Variants in USE1 observed in about 807,000 individuals in gnomAD.
USE1 encodes the protein unconventional SNARE in the ER 1, also known as vesicle transport protein USE1.
USE1 carries 32 observed loss-of-function variants against 37.6 expected under a neutral mutation model. The observed-to-expected ratio is 0.85, with a 90% confidence interval of 0.64 to 1.14. USE1 has a LOEUF of 1.14. Among genes scored for constraint, USE1 ranks in the 50% most tolerant of loss-of-function variants. The pLI is 0.00. For synonymous variants in USE1, 149 were observed against 137.6 expected, an observed-to-expected ratio of 1.08 and a Z score of -0.58; for missense variants, 310 against 332.2, an observed-to-expected ratio of 0.93 and a Z score of 0.52.
chr19:17,217,627 G>C, intron 5 of USE1, 165 bp downstream of exon 5: 1 of 1,062,462 alleles, frequency 9.4e-7, no homozygotes, highest in South Asian at 1.3e-5. Context: ...AAATGGCCCC[G>C]AGAGGAAACA....
chr19:17,219,396 A>G lies in USE1; in HGVS notation c.597+9A>G. 1.9e-6 allele frequency: 3 copies of G among 1,550,040 alleles called. No homozygotes were observed. The highest frequency in any genetic ancestry group is 2.6e-6 in the Non-Finnish European group (3 of 1,145,458). ...TCAAGAAGGACAACCAGGTGTGGGGACTGGGGGAGCTCTCCAGCCTCTGCC... is the reference window on the plus strand; with the variant it reads ...TCAAGAAGGACAACCAGGTGTGGGGGCTGGGGGAGCTCTCCAGCCTCTGCC... On this transcript the variant is annotated intron_variant, in intron 7 of 7. Transcript: ENST00000263897.
chr19:17,218,314 A>C, intron 5 of USE1, 50 bp from the exon 6 acceptor site: 15 of 1,612,650 alleles, frequency 9.3e-6, no homozygotes, highest in Non-Finnish European at 1.2e-5. Context: ...AGGATGCCGG[A>C]AACGGGAAAC....
Position 17,219,735 on chromosome 19 carries a change from C to G in USE1, c.702C>G (p.Leu234=), listed in dbSNP as rs2145547509. ...CGCAGAAGTCAGTCAACTGGCTGCT[C>G]TGGGCCATGCTCATTATCGTCTGCT... ...QHTQKSVNWL[L]WAMLIIVCFI... is the part of the protein sequence containing the mutation. The change falls in exon 8 of 8, where the codon CTC becomes CTG. Residue 234 remains leucine, a synonymous_variant. Coordinates refer to ENST00000263897, the MANE Select transcript of USE1 (RefSeq NM_018467.4). The G allele has an allele frequency of 6.2e-7, 1 of 1,613,234 alleles. No homozygotes were observed. Among genetic ancestry groups the G allele is most frequent in the Non-Finnish European group, 8.5e-7 (1 of 1,179,394 alleles).
At chr19:17,218,025 A>G in intron 5 of USE1, 1 of 356,254 alleles carries the variant, frequency 2.8e-6, no homozygotes, top group Non-Finnish European at 5.4e-6. Context: ...TAGAGGTTGC[A>G]GTGAGCTGAG....
Position 17,216,266 on chromosome 19 carries a change from A to C in USE1, c.329A>C (p.His110Pro). ...RERVPATKTV[H>P]LQSRARYTSE... is the part of the protein sequence containing the mutation. ...CGAGTGCCCGCCACAAAGACGGTGC[A>C]TCTGCAGTCACGGGCGCGGTACACC... Residue 110 changes from histidine to proline, a missense_variant, in exon 4 of 8, where the codon CAT becomes CCT. By Grantham distance (77) the His-to-Pro change is moderately conservative. Coordinates refer to ENST00000263897, the MANE Select transcript of USE1 (RefSeq NM_018467.4). 1.2e-6 allele frequency: 2 copies of C among 1,613,170 alleles called. No individual in the cohort carries two copies. The highest frequency in any genetic ancestry group is 1.7e-6 in the Non-Finnish European group (2 of 1,179,844).
intron 2 of USE1, 42 bp from the exon 3 acceptor site, chr19:17,215,950 G>A: frequency 6.3e-7 from 1 of 1,583,032 alleles, no homozygotes. Context: ...CCTGAGCTGG[G>A]GACCATGGAC....
chr19:17,217,906 C>T (rs1486100506), intron 5 of USE1: 5 of 316,700 alleles, frequency 1.6e-5, no homozygotes, highest in African/African-American at 6.8e-5. Context: ...AGCAAGACTC[C>T]GTCTCAAAAA....
chr19:17,217,350 G>A (rs2073297100), intron 4 of USE1, 103 bp from the exon 5 acceptor site: 2 of 1,282,614 alleles, frequency 1.6e-6, no homozygotes, highest in Non-Finnish European at 2.2e-6. Flanking sequence ...TGGCCAGGCT[G>A]GTCTCGAACT....
In USE1 at chr19:17,218,049, A is replaced by G. The variant is rs1319675783; in HGVS notation, c.395-315A>G. 3 of 367,058 alleles carry G rather than the reference A, an allele frequency of 8.2e-6. No individual in the cohort carries two copies. The East Asian group carries it at 1.9e-4, about 24-fold the overall frequency. The allele number at this position is 367,058 out of a possible 1,614,324, so 22.7% of individuals were successfully genotyped here. A position where few individuals can be genotyped will look rare whatever the true frequency, so the allele number is the denominator to read the frequency against. The stretch of plus-strand genomic sequence containing the variant: ...CAGTGAGCTGAGATTGCGCCAGTGC[A>G]CTCCAGCCTAGTTGACAGAGAGAGA... On this transcript the variant is annotated intron_variant, in intron 5 of 7. Coordinates refer to ENST00000263897, the MANE Select transcript of USE1 (RefSeq NM_018467.4).
chr19:17,216,092 C>T (rs1358359989), intron 3 of USE1, 22 bp downstream of exon 3: 1 of 1,613,366 alleles, frequency 6.2e-7, no homozygotes, highest in Non-Finnish European at 8.5e-7. Context: ...TGCCCCTGCC[C>T]CCTCAGCCCC....
chr19:17,218,306 G>C, intron 5 of USE1, 58 bp from the exon 6 acceptor site: 2 of 1,610,870 alleles, frequency 1.2e-6, no homozygotes, highest in Non-Finnish European at 1.7e-6. Context: ...CAATGCTCAG[G>C]ATGCCGGAAA....
At chr19:17,216,644 C>T (rs1291200501) in intron 4 of USE1, among the ~76,000 whole-genome samples, 1 of 152,210 alleles carries the variant, frequency 6.6e-6, no homozygotes, top group Non-Finnish European at 1.5e-5. Flanking sequence ...TGACAAGTTC[C>T]TTTCTGAGCA....
chr19:17,216,036 A>G lies in USE1; in HGVS notation c.197A>G (p.Asp66Gly). The change falls in exon 3 of 8, where the codon GAT (aspartate) becomes GGT (glycine). Residue 66 changes from aspartate (D) to glycine (G), a missense_variant. Coordinates refer to ENST00000263897, the MANE Select transcript of USE1 (RefSeq NM_018467.4). The part of the protein sequence containing the change: ...EVINEYSWKV[D>G]FLKGMLQAEK... Reference sequence around the variant, plus strand: ...ATCAATGAATATTCCTGGAAGGTGGATTTTCTGAAGGGGATGCTGCAAGCC... The same window carrying G: ...ATCAATGAATATTCCTGGAAGGTGGGTTTTCTGAAGGGGATGCTGCAAGCC... The G allele has an allele frequency of 6.8e-6, 11 of 1,610,862 alleles. No homozygotes were observed. Among genetic ancestry groups the G allele is most frequent in the Non-Finnish European group, 9.3e-6 (11 of 1,178,690 alleles).
At chr19:17,218,501 C>A in intron 6 of USE1, 110 bp downstream of exon 6, 1 of 1,392,218 alleles carries the variant, frequency 7.2e-7, no homozygotes, top group Non-Finnish European at 9.8e-7. Flanking sequence ...GGATCTAAAC[C>A]AACCAGAAGC....
In USE1 at chr19:17,219,763, A is replaced by C; in HGVS notation, c.730A>C (p.Ile244Leu). The C allele has an allele frequency of 1.2e-6, 2 of 1,611,710 alleles. No individual in the cohort carries two copies. The highest frequency in any genetic ancestry group is 2.7e-5 in the African/African-American group (2 of 75,054). The stretch of plus-strand genomic sequence containing the variant: ...GGCCATGCTCATTATCGTCTGCTTC[A>C]TCTTCATTAGCATGATCCTCTTCAT... ...LWAMLIIVCF[I>L]FISMILFIRI... is the part of the protein sequence containing the mutation. Residue 244 changes from isoleucine (I) to leucine (L), a missense_variant, in exon 8 of 8, where the codon ATC (isoleucine) becomes CTC (leucine). By Grantham distance (5) the Ile-to-Leu change is conservative. Coordinates refer to ENST00000263897, the MANE Select transcript of USE1 (RefSeq NM_018467.4).
intron 5 of USE1, 40 bp from the exon 6 acceptor site, chr19:17,218,324 C>G: frequency 6.2e-7 from 1 of 1,613,234 alleles, no homozygotes; most frequent in Non-Finnish European, 8.5e-7. Flanking sequence ...AAACGGGAAA[C>G]CAACACTCGC....
chr19:17,219,652 A>G lies in USE1; in HGVS notation c.619A>G (p.Met207Val), dbSNP rs754265072. ...ACAGACCCTGTCACACTCACTGAAA[A>G]TGGCGGACCAGAACCTGGAGAAACT... ...DNQTLSHSLK[M>V]ADQNLEKLKT... is the part of the protein sequence containing the mutation. Residue 207 changes from methionine (M) to valine (V), a missense_variant, in exon 8 of 8, where the codon ATG (methionine) becomes GTG (valine). Physicochemically the swap from Met to Val is conservative, Grantham distance 21. Transcript: ENST00000263897. 1 of 1,607,910 alleles carries G rather than the reference A, an allele frequency of 6.2e-7. No homozygotes were observed. Among genetic ancestry groups the G allele is most frequent in the Non-Finnish European group, 8.5e-7 (1 of 1,175,682 alleles).
intron 5 of USE1, 38 bp downstream of exon 5, chr19:17,217,500 C>G (rs1355589579): frequency 1.2e-6 from 2 of 1,607,918 alleles, no homozygotes; most frequent in Non-Finnish European, 1.7e-6. Flanking sequence ...TGAGGGCCAG[C>G]TGACTAGGAC....
intron 6 of USE1, 146 bp downstream of exon 6, chr19:17,218,537 A>T: frequency 9.2e-7 from 1 of 1,086,032 alleles, no homozygotes. Context: ...TCTTCCCAGA[A>T]GTCAAAGGCC....
Sources: gnomAD v4.1 joint callset for allele counts (sites outside exome capture counted in the v4.1 genomes callset) on GRCh38, gnomAD v4.1.1 for gene constraint, MANE v1.5 for transcripts, NCBI Gene and HGNC (gene_info 2026-07-23, HGNC 2026-07-21) for gene names.